Variants in ST18 observed in about 807,000 individuals in gnomAD.
The protein encoded by ST18 is ST18 C2H2C-type zinc finger transcription factor, also known as suppression of tumorigenicity 18 protein.
Under a neutral mutation model 110.0 loss-of-function variants are expected in ST18, and 50 were observed. The observed-to-expected ratio is 0.45, with a 90% CI of 0.36 to 0.58. The LOEUF is 0.58. Among genes scored for constraint, ST18 ranks in the 20% least tolerant of loss-of-function variants. The pLI is 0.00. For missense variants in ST18, 1,306 were observed against 1,280.1 expected (o/e 1.02, Z -0.31); for synonymous variants, 461 against 452.4 (o/e 1.02, Z -0.24).
In ST18 at chr8:52,137,409, G is replaced by A. The variant is rs548725703; in HGVS notation, c.2231+12C>T. ...CCATGAAAATCTGACTGCACATGAG[G>A]TCATTGGGTACCTGCGATGAGATGC... On this transcript the variant is annotated intron_variant, in intron 18 of 25. Coordinates refer to ENST00000689386, the MANE Select transcript of ST18 (RefSeq NM_001352837.2). 4 of 1,613,924 alleles carry A rather than the reference G, an allele frequency of 2.5e-6. No homozygotes were observed. The highest frequency in any genetic ancestry group is 3.4e-6 in the Non-Finnish European group (4 of 1,179,906).
intron 2 of ST18, among the ~76,000 whole-genome samples, chr8:52,366,955 T>C (rs1234568095): frequency 6.6e-6 from 1 of 152,158 alleles, no homozygotes; most frequent in East Asian, 1.9e-4. Context: ...AGGATAGGCC[T>C]GGCATAGTGG....
At chr8:52,282,524 C>A (rs1479159409) in intron 2 of ST18, among the ~76,000 whole-genome samples, 1 of 152,124 alleles carries the variant, frequency 6.6e-6, no homozygotes, top group African/African-American at 2.4e-5. Flanking sequence ...ATAGCCCCAC[C>A]AGGGGTGAGG....
At chr8:52,192,651 G>A (rs146158535) in intron 8 of ST18, among the ~76,000 whole-genome samples, 13 of 152,234 alleles carry the variant, frequency 8.5e-5, no homozygotes, top group Non-Finnish European at 1.8e-4. Context: ...TGATGTCTTC[G>A]GCAGTTTAAA....
At chr8:52,124,793 G>A (rs999233962) in intron 23 of ST18, among the ~76,000 whole-genome samples, 1 of 152,134 alleles carries the variant, frequency 6.6e-6, no homozygotes, top group African/African-American at 2.4e-5. Context: ...GACCCATGGA[G>A]GGAGAGAATC....
At chr8:52,366,617 G>C (rs535438591) in intron 2 of ST18, among the ~76,000 whole-genome samples, 1 of 152,120 alleles carries the variant, frequency 6.6e-6, no homozygotes, top group Non-Finnish European at 1.5e-5. Flanking sequence ...CTTCATCTGC[G>C]TAACTGCCAT....
At chr8:52,379,476 TG>T (rs570177821) in intron 2 of ST18, among the ~76,000 whole-genome samples, 71 of 152,282 alleles carry the variant, frequency 4.7e-4, no homozygotes, top group African/African-American at 1.6e-3. Flanking sequence ...AGTTGACCTT[TG>T]AACAACACAG....
At chr8:52,338,383 TCTG>T (rs1813205503) in intron 2 of ST18, among the ~76,000 whole-genome samples, 2 of 152,126 alleles carry the variant, frequency 1.3e-5, no homozygotes, top group Non-Finnish European at 1.5e-5. Flanking sequence ...TGGCATATCT[TCTG>T]GGGATTCCTA....
At chr8:52,133,889 C>A (rs1340128897) in intron 19 of ST18, among the ~76,000 whole-genome samples, 1 of 151,970 alleles carries the variant, frequency 6.6e-6, no homozygotes, top group Non-Finnish European at 1.5e-5. Context: ...TGCCTCCATG[C>A]CCACCTAATT....
chr8:52,214,655 C>T (rs772721388), intron 6 of ST18, among the ~76,000 whole-genome samples: 29 of 152,184 alleles, frequency 1.9e-4, no homozygotes, highest in Non-Finnish European at 2.9e-4. Flanking sequence ...TTTCCAGACT[C>T]TTCCTGATAC....
At position 52,409,414 on chromosome 8, in the gene ST18, A is replaced by G. The variant is rs1474868747; in HGVS notation, c.-551T>C. The G allele has an allele frequency of 6.6e-6, 1 of 152,082 alleles. No individual in the cohort carries two copies. The highest frequency in any genetic ancestry group is 1.5e-5 in the Non-Finnish European group (1 of 68,012). 9.4% of individuals were successfully genotyped at this position (152,082 alleles called of 1,614,324 possible). On this transcript the variant is annotated 5_prime_UTR_variant, in exon 2 of 26. Transcript: ENST00000689386. ...ATGCTCTTATGCTATTTCTCTTAGGATTTCTCCACGCTGCCCCATTCAGAA... is the reference window on the plus strand; with the variant it reads ...ATGCTCTTATGCTATTTCTCTTAGGGTTTCTCCACGCTGCCCCATTCAGAA...
chr8:52,176,016 G>A (rs574070081), intron 9 of ST18, among the ~76,000 whole-genome samples: 269 of 152,028 alleles, frequency 1.8e-3, no homozygotes, highest in Non-Finnish European at 2.7e-3. Flanking sequence ...GAATGCAATT[G>A]TCAGCTAACT....
At chr8:52,392,082 G>A (rs919662934) in intron 2 of ST18, among the ~76,000 whole-genome samples, 8 of 152,112 alleles carry the variant, frequency 5.3e-5, no homozygotes, top group South Asian at 4.1e-4. Flanking sequence ...TTCCTCATCC[G>A]AAAAATGAGA....
intron 2 of ST18, among the ~76,000 whole-genome samples, chr8:52,330,640 C>T (rs1162708569): frequency 2.0e-5 from 3 of 152,310 alleles, no homozygotes; most frequent in South Asian, 4.1e-4. Flanking sequence ...ACAGCTTCCA[C>T]GCATTATGAC....
intron 13 of ST18, 91 bp from the exon 14 acceptor site, chr8:52,161,659 A>C (rs931628298): frequency 4.3e-6 from 6 of 1,398,204 alleles, no homozygotes; most frequent in African/African-American, 2.9e-5. Flanking sequence ...TACATGTGTC[A>C]CTCCTGAAGG....
At chr8:52,305,275 G>C (rs929424527) in intron 2 of ST18, among the ~76,000 whole-genome samples, 6 of 152,106 alleles carry the variant, frequency 3.9e-5, no homozygotes, top group Non-Finnish European at 8.8e-5. Flanking sequence ...TTTCACTTGG[G>C]CTTCCTAGAA....
chr8:52,187,234 G>C (rs932547629), intron 8 of ST18, among the ~76,000 whole-genome samples: 1 of 152,170 alleles, frequency 6.6e-6, no homozygotes, highest in African/African-American at 2.4e-5. Context: ...CAATGTGCCA[G>C]GGAGTGCTCT....
At chr8:52,182,750 T>C (rs975349996) in intron 8 of ST18, among the ~76,000 whole-genome samples, 1 of 152,138 alleles carries the variant, frequency 6.6e-6, no homozygotes, top group Non-Finnish European at 1.5e-5. Flanking sequence ...AATAGTGTAC[T>C]TCACACTTGA....
intron 2 of ST18, among the ~76,000 whole-genome samples, chr8:52,288,624 G>A (rs2095505732): frequency 6.6e-6 from 1 of 151,270 alleles, no homozygotes; most frequent in Admixed American, 6.6e-5. Context: ...AACCTGGAAA[G>A]CGGAGGTTGC....
intron 2 of ST18, among the ~76,000 whole-genome samples, chr8:52,325,060 C>T (rs1484146373): frequency 6.6e-6 from 1 of 152,130 alleles, no homozygotes; most frequent in East Asian, 1.9e-4. Context: ...AAGATAATAG[C>T]TGCAAAATCA....
Sources: gnomAD v4.1 joint callset for allele counts (sites outside exome capture counted in the v4.1 genomes callset) on GRCh38, gnomAD v4.1.1 for gene constraint, MANE v1.5 for transcripts, NCBI Gene and HGNC (gene_info 2026-07-23, HGNC 2026-07-21) for gene names.